NIN: variants seen among roughly 807,000 people sequenced by gnomAD.
NIN encodes the protein ninein.
A neutral mutation model predicts 257.6 loss-of-function variants in NIN; 137 were observed. The ratio of observed to expected loss-of-function variants is 0.53; its 90% CI spans 0.46 to 0.61. NIN has a LOEUF of 0.61. NIN is among the 20% of genes least tolerant of loss of function. The pLI is 0.00. For synonymous variants in NIN, 918 were observed against 919.8 expected, an observed-to-expected ratio of 1.00 and a Z score of 0.04; for missense variants, 2,439 against 2,501.2, an observed-to-expected ratio of 0.98 and a Z score of 0.53.
intron 18 of NIN, among the ~76,000 whole-genome samples, chr14:50,755,131 A>G (rs1332986032): frequency 6.6e-6 from 1 of 152,226 alleles, no homozygotes; most frequent in Non-Finnish European, 1.5e-5. Context: ...CTCAATGCTC[A>G]TTCTGGTTGT....
chr14:50,795,371 C>T (rs1317322894), intron 4 of NIN, among the ~76,000 whole-genome samples: 5 of 152,202 alleles, frequency 3.3e-5, no homozygotes, highest in Admixed American at 2.0e-4. Context: ...GCAAAGCTAA[C>T]GATGTTCAGA....
Position 50,756,560 on chromosome 14 carries a change from C to T in NIN, c.4470G>A (p.Glu1490=). The change falls in exon 18 of 31, where the codon GAG becomes GAA. Residue 1490 remains glutamate, a synonymous_variant. Transcript: ENST00000530997. The part of the protein sequence containing the change: ...DVLSHGEKEE[E]LKAMMHDLQI... ...GCAAGTCATGCATCATTGCCTTCAG[C>T]TCTTCCTCCTTTTCTCCGTGAGAAA... 5.6e-6 allele frequency: 9 copies of T among 1,613,218 alleles called. No homozygotes were observed. The highest frequency in any genetic ancestry group is 7.6e-6 in the Non-Finnish European group (9 of 1,179,710).
At chr14:50,765,241 AAAGT>A (rs377712031) in intron 14 of NIN, among the ~76,000 whole-genome samples, 19 of 152,316 alleles carry the variant, frequency 1.2e-4, no homozygotes, top group African/African-American at 4.1e-4. Flanking sequence ...CGTCTTAAAA[AAAGT>A]AAGAAAGAAA....
intron 5 of NIN, 103 bp downstream of exon 5, chr14:50,792,609 C>G: frequency 4.9e-6 from 6 of 1,233,978 alleles, no homozygotes; most frequent in Non-Finnish European, 7.0e-6. Context: ...TGAGAAAAGC[C>G]CACATCGTGC....
In NIN at chr14:50,758,554, T is replaced by C. The variant is rs754588503; in HGVS notation, c.2476A>G (p.Thr826Ala). 38 of 1,612,756 alleles carry C rather than the reference T, an allele frequency of 2.4e-5. No homozygotes were observed. In the Middle Eastern group the frequency reaches 6.6e-4, roughly 28 times the overall value. The change falls in exon 18 of 31, where the codon ACT (threonine) becomes GCT (alanine). Residue 826 changes from threonine (T) to alanine (A), a missense_variant. Thr to Ala is a moderately conservative substitution (Grantham distance 58). Transcript: ENST00000530997. ...TGCAGAGCGCTTTCACACCTCTCAGTGACTTTCTGACAATCAGACTGAAAC... is the reference window on the plus strand; with the variant it reads ...TGCAGAGCGCTTTCACACCTCTCAGCGACTTTCTGACAATCAGACTGAAAC... ...AQFQSDCQKVTERCESALQSL... is the reference protein window; with the variant it reads ...AQFQSDCQKVAERCESALQSL...
intron 2 of NIN, among the ~76,000 whole-genome samples, chr14:50,827,743 A>G (rs2045524592): frequency 7.1e-6 from 1 of 141,110 alleles, no homozygotes; most frequent in African/African-American, 2.6e-5. Context: ...GGAGAGAGCG[A>G]GAGACTCCGT....
At position 50,792,796 on chromosome 14, in the gene NIN, C is replaced by T. The variant is rs183788775; in HGVS notation, c.351G>A (p.Val117=). 71 of 1,614,210 alleles carry T rather than the reference C, an allele frequency of 4.4e-5. No homozygotes were observed. In the East Asian group the frequency reaches 1.5e-3, roughly 35 times the overall value. ...RRSLPEFQES[V]EEFPEVTVIE... ...TCACCGTCACTTCAGGAAACTCCTC[C>T]ACGGACTCTTGGAACTCGGGCAAGG... Residue 117 remains valine, a synonymous_variant, in exon 5 of 31, where the codon GTG becomes GTA. Transcript: ENST00000530997.
intron 4 of NIN, among the ~76,000 whole-genome samples, chr14:50,805,092 C>T (rs1429348706): frequency 2.0e-5 from 3 of 152,172 alleles, no homozygotes; most frequent in Admixed American, 6.5e-5. Context: ...TGTGGATTAG[C>T]GGCAGGACCG....
At chr14:50,817,139 C>A (rs2044939819) in intron 3 of NIN, among the ~76,000 whole-genome samples, 1 of 152,182 alleles carries the variant, frequency 6.6e-6, no homozygotes, top group Non-Finnish European at 1.5e-5. Flanking sequence ...TTTCCCTTCA[C>A]CAATTTAAGT....
At chr14:50,783,608 A>C (rs2043222455) in intron 5 of NIN, among the ~76,000 whole-genome samples, 2 of 150,292 alleles carry the variant, frequency 1.3e-5, no homozygotes, top group South Asian at 4.2e-4. Context: ...GAGGGAGAAA[A>C]GCACAGGGTG....
intron 29 of NIN, among the ~76,000 whole-genome samples, chr14:50,729,269 T>TTTA (rs544305114): frequency 6.6e-6 from 1 of 150,536 alleles, no homozygotes; most frequent in Non-Finnish European, 1.5e-5. Context: ...TTTTTTTTTT[T>TTTA]AATTTAAGAG....
chr14:50,783,638 A>G (rs1595862907), intron 5 of NIN, among the ~76,000 whole-genome samples: 1 of 107,784 alleles, frequency 9.3e-6, no homozygotes, highest in African/African-American at 3.7e-5. Context: ...TTGTTATTAA[A>G]TTGCTATTTC....
intron 29 of NIN, chr14:50,726,441 T>C (rs1355766947): frequency 5.4e-6 from 1 of 183,556 alleles, no homozygotes; most frequent in East Asian, 1.3e-4. Context: ...TGCAATGTTA[T>C]GGGCCTCTCA....
chr14:50,731,830 A>G (rs1327184507), intron 28 of NIN, among the ~76,000 whole-genome samples: 1 of 152,196 alleles, frequency 6.6e-6, no homozygotes, highest in Non-Finnish European at 1.5e-5. Context: ...GTTTAAAAAT[A>G]AATAAATAAA....
chr14:50,768,245 A>T (rs890675238), intron 12 of NIN, among the ~76,000 whole-genome samples: 2 of 152,194 alleles, frequency 1.3e-5, no homozygotes, highest in African/African-American at 4.8e-5. Context: ...ATATAAGTAA[A>T]AAAAAAATGT....
intron 4 of NIN, among the ~76,000 whole-genome samples, chr14:50,799,858 C>T (rs1435267905): frequency 3.3e-5 from 5 of 152,070 alleles, no homozygotes; most frequent in African/African-American, 1.2e-4. Flanking sequence ...GCCTGTAATC[C>T]CAGCTACTCG....
At chr14:50,746,420 C>G (rs1368602144) in intron 22 of NIN, among the ~76,000 whole-genome samples, 1 of 152,098 alleles carries the variant, frequency 6.6e-6, no homozygotes, top group African/African-American at 2.4e-5. Context: ...TATAAAGCAC[C>G]TATTGAGTAC....
chr14:50,829,150 G>A (rs1174540667), intron 2 of NIN, among the ~76,000 whole-genome samples: 1 of 152,066 alleles, frequency 6.6e-6, no homozygotes, highest in East Asian at 1.9e-4. Context: ...ACAAATTCCC[G>A]GGCAGTTCAC....
At chr14:50,810,866 G>A (rs956205825) in intron 3 of NIN, among the ~76,000 whole-genome samples, 13 of 151,924 alleles carry the variant, frequency 8.6e-5, no homozygotes, top group South Asian at 4.2e-4. Flanking sequence ...GTTTCACCGC[G>A]TTAGCCAGGA....
Sources: allele counts gnomAD v4.1 joint callset (sites outside exome capture counted in the v4.1 genomes callset), GRCh38; gene constraint gnomAD v4.1.1; transcripts MANE v1.5; gene names NCBI Gene and HGNC (gene_info 2026-07-23, HGNC 2026-07-21).